Variants in CDHR2 observed in about 807,000 individuals in gnomAD.
CDHR2 encodes cadherin-related family member 2.
CDHR2 carries 104 observed loss-of-function variants against 138.6 expected under a neutral mutation model. The ratio of observed to expected loss-of-function variants is 0.75; its 90% CI spans 0.64 to 0.88. The LOEUF is 0.88. CDHR2 is among the 40% of genes least tolerant of loss of function. The pLI, the probability that CDHR2 is intolerant of heterozygous loss-of-function variation, is 0.00. For synonymous variants in CDHR2, 755 were observed against 742.8 expected, an observed-to-expected ratio of 1.02 and a Z score of -0.27; for missense variants, 1,624 against 1,727.6, an observed-to-expected ratio of 0.94 and a Z score of 1.06.
chr5:176,559,713 AT>A (rs34825798), intron 1 of CDHR2, among the ~76,000 whole-genome samples: 91,504 of 130,604 alleles, frequency 0.7, 31,389 homozygotes, highest in Non-Finnish European at 0.8. Context: ...TAATTCCTGC[AT>A]TTTTTTTAAA....
Position 176,595,725 on chromosome 5 carries a change from T to G in CDHR2, c.*53T>G. On this transcript the variant is annotated 3_prime_UTR_variant, in exon 32 of 32. Coordinates refer to ENST00000261944, the MANE Select transcript of CDHR2 (RefSeq NM_017675.6). ...TGAAGAGGCCCTACCACACCCTAAC[T>G]GCACCTGTCTCCCTGGAGATGAAAA... The G allele has an allele frequency of 7.0e-7, 1 of 1,427,222 alleles. No individual in the cohort carries two copies. Among genetic ancestry groups the G allele is most frequent in the Non-Finnish European group, 9.3e-7 (1 of 1,076,686 alleles). 88.4% of individuals were successfully genotyped at this position (1,427,222 alleles called of 1,614,324 possible).
chr5:176,586,088 C>T (rs35231163), intron 20 of CDHR2, 63 bp downstream of exon 20: 44,675 of 1,338,306 alleles, frequency 0.033, 887 homozygotes, highest in Middle Eastern at 0.078. Flanking sequence ...TGAGCAACCC[C>T]GACAGACCCT....
At chr5:176,554,689 C>T (rs1421573206) in intron 1 of CDHR2, among the ~76,000 whole-genome samples, 1 of 152,164 alleles carries the variant, frequency 6.6e-6, no homozygotes, top group African/African-American at 2.4e-5. Flanking sequence ...GAGACAGTGT[C>T]TCGCTCTGTC....
At chr5:176,585,813 C>T (rs977513540) in intron 19 of CDHR2, 141 bp from the exon 20 acceptor site, 30 of 650,204 alleles carry the variant, frequency 4.6e-5, no homozygotes, top group East Asian at 3.0e-4. Context: ...GTTGAGGCTG[C>T]GGGGCACAGG....
Position 176,590,078 on chromosome 5 carries a change from G to C in CDHR2, c.3207G>C (p.Ala1069=). ...EVGANRQAIN[A]ALTQATRTTV... is the part of the protein sequence containing the mutation. The stretch of plus-strand genomic sequence containing the variant: ...TCTGTGACATCTGCCTTCTTTGCAG[G>C]GCTCTTACCCAGGCAACCAGGACTA... Residue 1069 remains alanine, a splice_region_variant and synonymous_variant, in exon 25 of 32, where the codon GCG becomes GCC. Transcript: ENST00000261944. The C allele has an allele frequency of 6.2e-7, 1 of 1,613,574 alleles. No homozygotes were observed. The highest frequency in any genetic ancestry group is 8.5e-7 in the Non-Finnish European group (1 of 1,179,694).
chr5:176,546,741 T>G, upstream of CDHR2, among the ~76,000 whole-genome samples: 1 of 82,532 alleles, frequency 1.2e-5, no homozygotes, highest in Non-Finnish European at 2.2e-5. Context: ...GCCAACATGG[T>G]GCTCAAAAAA....
chr5:176,556,098 A>C (rs184105489), intron 1 of CDHR2, among the ~76,000 whole-genome samples: 1 of 152,336 alleles, frequency 6.6e-6, no homozygotes, highest in African/African-American at 2.4e-5. Flanking sequence ...AACTCCTGGA[A>C]TACACCTGGT....
intron 22 of CDHR2, 74 bp downstream of exon 22, chr5:176,589,256 A>C: frequency 1.3e-6 from 2 of 1,597,006 alleles, no homozygotes; most frequent in Non-Finnish European, 1.7e-6. Context: ...CAAGTCCCCC[A>C]TCCTGGAGGT....
At chr5:176,559,727 C>T (rs1255682683) in intron 1 of CDHR2, among the ~76,000 whole-genome samples, 2 of 151,076 alleles carry the variant, frequency 1.3e-5, no homozygotes, top group Admixed American at 1.3e-4. Context: ...TTTTTAAAAT[C>T]TATAACAGTG....
intron 21 of CDHR2, 24 bp downstream of exon 21, chr5:176,586,866 G>T (rs1461580235): frequency 6.2e-7 from 1 of 1,601,436 alleles, no homozygotes; most frequent in Non-Finnish European, 8.5e-7. Context: ...TCCAGCCTTT[G>T]TTGGTCATAT....
intron 19 of CDHR2, among the ~76,000 whole-genome samples, chr5:176,585,744 A>G (rs1758643044): frequency 6.6e-6 from 1 of 151,968 alleles, no homozygotes; most frequent in Non-Finnish European, 1.5e-5. Flanking sequence ...GGGACTGAGC[A>G]TGGGGGAACA....
rs943000622 is a variant in CDHR2, at chr5:176,592,844, G to A, written c.3792+64G>A. 6.4e-6 allele frequency: 9 copies of A among 1,414,534 alleles called. No individual in the cohort carries two copies. The Admixed American group carries it at 6.7e-5, about 11-fold the overall frequency. The allele number at this position is 1,414,534 out of a possible 1,614,324, so 87.6% of individuals were successfully genotyped here. ...TTGGGTTCTTCTGTGGAGGCTTCAGGGCAGAGCTCAAGGGACCTGCTACTG... is the reference window on the plus strand; with the variant it reads ...TTGGGTTCTTCTGTGGAGGCTTCAGAGCAGAGCTCAAGGGACCTGCTACTG... On this transcript the variant is annotated intron_variant, in intron 31 of 31. Transcript: ENST00000261944.
chr5:176,578,201 G>A, intron 15 of CDHR2, 106 bp downstream of exon 15: 1 of 1,268,096 alleles, frequency 7.9e-7, no homozygotes, highest in Non-Finnish European at 1.1e-6. Flanking sequence ...AAGGCACTCA[G>A]TTACATTTCA....
At position 176,588,909 on chromosome 5, in the gene CDHR2, G is replaced by C. The variant is rs1312486935; in HGVS notation, c.2857-122G>C. 4.2e-6 allele frequency: 4 copies of C among 951,134 alleles called. No homozygotes were observed. In the African/African-American group the frequency reaches 4.9e-5, roughly 12 times the overall value. 58.9% of individuals were successfully genotyped at this position (951,134 alleles called of 1,614,324 possible). ...CCATTTGCTTATTCGGGGCAGCGTG[G>C]GGATGGCGGATAGAGACGGTGAGGG... On this transcript the variant is annotated intron_variant, in intron 21 of 31. Coordinates refer to ENST00000261944, the MANE Select transcript of CDHR2 (RefSeq NM_017675.6).
At position 176,575,966 on chromosome 5, in the gene CDHR2, C is replaced by G; in HGVS notation, c.975C>G (p.His325Gln). 6.2e-7 allele frequency: 1 copy of G among 1,613,820 alleles called. No individual in the cohort carries two copies. The highest frequency in any genetic ancestry group is 1.7e-5 in the Admixed American group (1 of 59,984). ...CTGTGCCTCAGGCCACCGAGACACA[C>G]CTCAACATCTACGGGCAGGAGGCCA... ...VQLQVTATETHLNIYGQEAKV... is the reference protein window; with the variant it reads ...VQLQVTATETQLNIYGQEAKV... Residue 325 changes from histidine to glutamine, a missense_variant, in exon 12 of 32, where the codon CAC (histidine) becomes CAG (glutamine). By Grantham distance (24) the His-to-Gln change is conservative. Coordinates refer to ENST00000261944, the MANE Select transcript of CDHR2 (RefSeq NM_017675.6).
chr5:176,590,044 C>T lies in CDHR2; in HGVS notation c.3207-34C>T, dbSNP rs531163084. ...CCCTGGCCACAGGCCCAGGCTAAGA[C>T]CCCAGGCCTCTGTGACATCTGCCTT... On this transcript the variant is annotated intron_variant, in intron 24 of 31. Transcript: ENST00000261944. 6 of 1,573,924 alleles carry T rather than the reference C, an allele frequency of 3.8e-6. No individual in the cohort carries two copies. The South Asian group carries it at 6.6e-5, about 17-fold the overall frequency.
At chr5:176,544,607 T>C (rs111461730), upstream of CDHR2, among the ~76,000 whole-genome samples, 2,191 of 152,186 alleles carry the variant, frequency 0.014, 49 homozygotes, top group African/African-American at 0.05. Context: ...GCCCGGCTAA[T>C]TTTTTGTGTT....
At chr5:176,569,948 A>C (rs1758184887) in intron 5 of CDHR2, among the ~76,000 whole-genome samples, 1 of 145,730 alleles carries the variant, frequency 6.9e-6, no homozygotes. Flanking sequence ...TGATAGCACG[A>C]GACTCCGTCT....
At position 176,590,596 on chromosome 5, in the gene CDHR2, A is replaced by G. The variant is rs201975886; in HGVS notation, c.3448A>G (p.Lys1150Glu). The G allele has an allele frequency of 6.8e-5, 110 of 1,613,936 alleles. No individual in the cohort carries two copies. The highest frequency in any genetic ancestry group is 8.9e-5 in the Non-Finnish European group (105 of 1,180,012). ...SQESQESDLSKQLISVIIGLG... is the reference protein window; with the variant it reads ...SQESQESDLSEQLISVIIGLG... ...GGAGAGCCAGGAGTCAGACCTGTCG[A>G]AACAGCTCATCAGTGTCATCATAGG... is the stretch of plus-strand genomic sequence containing the variant. The change falls in exon 28 of 32, where the codon AAA becomes GAA. Residue 1150 changes from lysine (K) to glutamate (E), a missense_variant. Physicochemically the swap from Lys to Glu is moderately conservative, Grantham distance 56. Around this residue, in one of 3 missense-constraint regions of CDHR2, gnomAD observed 556 missense variants for 565.7 expected, o/e 0.98. Transcript: ENST00000261944.
Sources: gnomAD v4.1 joint callset for allele counts (sites outside exome capture counted in the v4.1 genomes callset) on GRCh38, gnomAD v4.1.1 for gene constraint, gnomAD v4.1.1 regional missense constraint, MANE v1.5 for transcripts, NCBI Gene and HGNC (gene_info 2026-07-23, HGNC 2026-07-21) for gene names.